KCNB2: variants seen among roughly 807,000 people sequenced by gnomAD.
The protein encoded by KCNB2 is potassium voltage-gated channel subfamily B member 2, also known as delayed rectifier potassium channel protein.
Under a neutral mutation model 61.5 loss-of-function variants are expected in KCNB2, and 15 were observed. The observed-to-expected ratio is 0.24, with a 90% CI of 0.16 to 0.38. The LOEUF (loss-of-function observed/expected upper bound fraction) is 0.38. Ranked by LOEUF, KCNB2 falls within the 10% of genes least tolerant of loss-of-function variation. KCNB2 has a pLI of 1.00. For missense variants in KCNB2, 828 were observed against 1,125.2 expected, an observed-to-expected ratio of 0.74 and a Z score of 3.78; for synonymous variants, 457 against 446.0, an observed-to-expected ratio of 1.02 and a Z score of -0.31.
chr8:72,586,952 G>A (rs562729681), intron 2 of KCNB2, among the ~76,000 whole-genome samples: 20 of 152,232 alleles, frequency 1.3e-4, no homozygotes, highest in African/African-American at 3.9e-4. Flanking sequence ...AGGTTGCTAG[G>A]TATTCTCAAA....
intron 2 of KCNB2, among the ~76,000 whole-genome samples, chr8:72,709,478 G>T (rs1042363997): frequency 6.6e-6 from 1 of 151,744 alleles, no homozygotes; most frequent in Non-Finnish European, 1.5e-5. Flanking sequence ...CATCTGCTTG[G>T]CTTCTAGGGA....
At chr8:72,827,808 GTTTC>G (rs200272103) in intron 2 of KCNB2, among the ~76,000 whole-genome samples, 2,617 of 143,078 alleles carry the variant, frequency 0.018, 38 homozygotes, top group Non-Finnish European at 0.031. Flanking sequence ...AATAATACAA[GTTTC>G]TTTCTTTTTT....
intron 2 of KCNB2, among the ~76,000 whole-genome samples, chr8:72,824,468 G>C (rs548100183): frequency 6.6e-6 from 1 of 151,946 alleles, no homozygotes; most frequent in Admixed American, 6.6e-5. Context: ...CAGGCATCTC[G>C]AGGTGTGCCA....
chr8:72,803,769 G>A (rs1051942015), intron 2 of KCNB2, among the ~76,000 whole-genome samples: 2 of 152,222 alleles, frequency 1.3e-5, no homozygotes, highest in Non-Finnish European at 2.9e-5. Flanking sequence ...GGCAAGGGCA[G>A]AGAGAAGCCA....
chr8:72,578,940 G>A (rs955761396), intron 2 of KCNB2, among the ~76,000 whole-genome samples: 2 of 152,216 alleles, frequency 1.3e-5, no homozygotes, highest in African/African-American at 4.8e-5. Flanking sequence ...CCTGGCTGTG[G>A]TGGGGTGGGT....
intron 2 of KCNB2, among the ~76,000 whole-genome samples, chr8:72,620,927 A>G (rs924373171): frequency 6.6e-6 from 1 of 152,192 alleles, no homozygotes; most frequent in Middle Eastern, 3.2e-3. Context: ...TTTTAGATAC[A>G]TTAATTCATT....
chr8:72,801,745 G>A (rs1245487899), intron 2 of KCNB2, among the ~76,000 whole-genome samples: 2 of 152,080 alleles, frequency 1.3e-5, no homozygotes, highest in East Asian at 1.9e-4. Flanking sequence ...ATCTGAGAAG[G>A]TGTCTGCAAA....
chr8:72,838,003 A>G (rs1236944955), intron 2 of KCNB2, among the ~76,000 whole-genome samples: 6 of 152,198 alleles, frequency 3.9e-5, no homozygotes, highest in Non-Finnish European at 7.3e-5. Flanking sequence ...TATATTAATT[A>G]GGTTTTGTGC....
At chr8:72,686,013 A>G (rs1416601228) in intron 2 of KCNB2, among the ~76,000 whole-genome samples, 7 of 152,306 alleles carry the variant, frequency 4.6e-5, no homozygotes, top group Admixed American at 3.3e-4. Context: ...GAAGGTCCAG[A>G]TGTCAGACAG....
intron 2 of KCNB2, among the ~76,000 whole-genome samples, chr8:72,738,043 A>T (rs1360171269): frequency 6.6e-6 from 1 of 152,156 alleles, no homozygotes; most frequent in Non-Finnish European, 1.5e-5. Context: ...CGTTTACACA[A>T]ATTGACATAC....
chr8:72,730,422 AAC>A (rs1263196436), intron 2 of KCNB2, among the ~76,000 whole-genome samples: 1 of 152,246 alleles, frequency 6.6e-6, no homozygotes, highest in Non-Finnish European at 1.5e-5. Context: ...ATTAGGAAAT[AAC>A]AGTGTATCAT....
At chr8:72,622,645 G>A (rs1370117711) in intron 2 of KCNB2, among the ~76,000 whole-genome samples, 1 of 152,126 alleles carries the variant, frequency 6.6e-6, no homozygotes, top group Non-Finnish European at 1.5e-5. Flanking sequence ...ACTCTACTGT[G>A]CACCTTCTTT....
intron 2 of KCNB2, among the ~76,000 whole-genome samples, chr8:72,668,091 T>A (rs1585817986): frequency 6.6e-6 from 1 of 152,234 alleles, no homozygotes; most frequent in African/African-American, 2.4e-5. Context: ...TAGTTTGGAA[T>A]GCAGGAGAAA....
At chr8:72,791,721 C>T (rs1346976968) in intron 2 of KCNB2, among the ~76,000 whole-genome samples, 2 of 152,168 alleles carry the variant, frequency 1.3e-5, no homozygotes, top group Non-Finnish European at 2.9e-5. Context: ...TCATGAAATG[C>T]CAACTGAAAA....
At chr8:72,838,378 T>C (rs2129002404) in intron 2 of KCNB2, among the ~76,000 whole-genome samples, 1 of 152,324 alleles carries the variant, frequency 6.6e-6, no homozygotes, top group African/African-American at 2.4e-5. Context: ...TTTTCTGTCC[T>C]TGTGATAGTT....
At position 72,820,105 on chromosome 8, in the gene KCNB2, C is replaced by T. The variant is rs540297360; in HGVS notation, c.580-115830C>T. 9.9e-5 allele frequency among the ~76,000 whole-genome samples: 15 copies of T among 152,262 alleles called. No individual in the cohort carries two copies. In the East Asian group the frequency reaches 2.7e-3, roughly 28 times the overall value. ...AGCTTACTGCAAAGCCTTCCTCCTC[C>T]AGAAAGTACCCTCATCAACCGCTCA... is the stretch of plus-strand genomic sequence containing the variant. On this transcript the variant is annotated intron_variant, in intron 2 of 2. Transcript: ENST00000523207.
intron 2 of KCNB2, among the ~76,000 whole-genome samples, chr8:72,920,468 T>TATATATATATATATATATATATA (rs1491578300): frequency 1.1e-5 from 1 of 89,256 alleles, no homozygotes; most frequent in East Asian, 2.1e-4. Context: ...TATCTATCTA[T>TATATATATATATATATATATATA]CTATCTATAT....
chr8:72,936,729 C>A lies in KCNB2; in HGVS notation c.1374C>A (p.Phe458Leu). The change falls in exon 3 of 3, where the codon TTC (phenylalanine) becomes TTA (leucine). Residue 458 changes from phenylalanine to leucine, a missense_variant. By Grantham distance (22) the Phe-to-Leu change is conservative. This residue lies in a region of KCNB2 where 559 missense variants were observed against 588.4 expected (regional missense o/e 0.95). Coordinates refer to ENST00000523207, the MANE Select transcript of KCNB2 (RefSeq NM_004770.3). This position sits in a 1 kb window ranked among gnomAD's most constrained non-coding sequence, Gnocchi z 5.6. Reference protein sequence around the residue: ...SIVSMNLKDAFARSMELIDVA... With the variant: ...SIVSMNLKDALARSMELIDVA... ...TTTCTATGAACTTAAAAGATGCCTT[C>A]GCTCGAAGTATGGAACTGATAGATG... 1 of 1,614,146 alleles carries A rather than the reference C, an allele frequency of 6.2e-7. No homozygotes were observed. Among genetic ancestry groups the A allele is most frequent in the Non-Finnish European group, 8.5e-7 (1 of 1,180,038 alleles).
chr8:72,573,298 A>G lies in KCNB2; in HGVS notation c.579+4985A>G, dbSNP rs78714874. ...GAAAAATGAAGGAAGGCATTGGAAC[A>G]GAATCATAAATGATTTTCTTTCAGT... On this transcript the variant is annotated intron_variant, in intron 2 of 2. Coordinates refer to ENST00000523207, the MANE Select transcript of KCNB2 (RefSeq NM_004770.3). 3.3e-3 allele frequency among the ~76,000 whole-genome samples: 504 copies of G among 152,380 alleles called. 5 individuals carry two copies. The highest frequency in any genetic ancestry group is 0.012 in the African/African-American group (483 of 41,600).
Sources: allele counts gnomAD v4.1 joint callset (sites outside exome capture counted in the v4.1 genomes callset), GRCh38; gene constraint gnomAD v4.1.1; regional missense constraint gnomAD v4.1.1; non-coding constraint Gnocchi (gnomAD v3.1); transcripts MANE v1.5; gene names NCBI Gene and HGNC (gene_info 2026-07-23, HGNC 2026-07-21).